Variants in SMIM41 observed in about 807,000 individuals in gnomAD.
SMIM41 encodes small integral membrane protein 41.
chr12:52,108,183 T>C lies in SMIM41; in HGVS notation c.*1000T>C. ...TGCAGTGATGTACACGGTGGTCACC[T>C]CCATGCTCAACCCCTTTATCTACAG... is the stretch of plus-strand genomic sequence containing the variant. On this transcript the variant is annotated 3_prime_UTR_variant, in exon 3 of 3. Transcript: ENST00000546390. 1 of 207,830 alleles carries C rather than the reference T, an allele frequency of 4.8e-6. No homozygotes were observed. Among genetic ancestry groups the C allele is most frequent in the Non-Finnish European group, 9.7e-6 (1 of 103,036 alleles). 12.9% of individuals were successfully genotyped at this position (207,830 alleles called of 1,614,324 possible).
chr12:52,105,844 G>A (rs1167330178), intron 2 of SMIM41, among the ~76,000 whole-genome samples: 3 of 152,140 alleles, frequency 2.0e-5, no homozygotes, highest in Admixed American at 6.6e-5. Context: ...TTAGAGTCTG[G>A]CCATTAATTT....
rs1940373354 is a variant in SMIM41 at position 52,107,880 on chromosome 12, T to C, written c.*697T>C. 4 of 309,346 alleles carry C rather than the reference T, an allele frequency of 1.3e-5. No individual in the cohort carries two copies. The highest frequency in any genetic ancestry group is 1.2e-4 in the South Asian group (4 of 34,150). 19.2% of individuals were successfully genotyped at this position (309,346 alleles called of 1,614,324 possible). A position where few individuals can be genotyped will look rare whatever the true frequency, so the allele number is the denominator to read the frequency against. On this transcript the variant is annotated 3_prime_UTR_variant, in exon 3 of 3. Transcript: ENST00000546390. ...ACATTCCTAATTTCTTCTGTGACCT[T>C]TCTCAACTCCCCCATCTTGCCGTTG...
At position 52,093,049 on chromosome 12, in the gene SMIM41, T is replaced by C. The variant is rs138153845; in HGVS notation, c.*195+9081T>C. On this transcript the variant is annotated intron_variant, in intron 2 of 2. Transcript: ENST00000546390. ...CAAAAAAAATAAAGAAAAAATTAGA[T>C]TGGTGTGGTGCGGTGGTGCACAGCT... 7.3e-3 allele frequency among the ~76,000 whole-genome samples: 1,109 copies of C among 152,124 alleles called. 12 individuals are homozygous for C. Among genetic ancestry groups the C allele is most frequent in the African/African-American group, 0.026 (1,067 of 41,488 alleles).
chr12:52,102,503 C>T (rs113142951), intron 2 of SMIM41, among the ~76,000 whole-genome samples: 10,240 of 152,228 alleles, frequency 0.067, 413 homozygotes, highest in Non-Finnish European at 0.077. Flanking sequence ...TGATATCCAT[C>T]ATATATAAAG....
rs1161960187 is a variant in SMIM41, at chr12:52,081,959, G to C, written c.*120+1778G>C. The C allele has an allele frequency of 6.6e-6, 1 of 152,216 alleles. No individual in the cohort carries two copies. Among genetic ancestry groups the C allele is most frequent in the African/African-American group, 2.4e-5 (1 of 41,424 alleles). The allele number at this position is 152,216 out of a possible 1,614,324, so 9.4% of individuals were successfully genotyped here. A position where few individuals can be genotyped will look rare whatever the true frequency, so the allele number is the denominator to read the frequency against. ...CTTTGAGATGCTGGTGCAAAACGCG[G>C]CCTCTCTTCATACATTTGCGAATCA... On this transcript the variant is annotated intron_variant, in intron 1 of 2. Transcript: ENST00000546390. This position sits in a 1 kb window ranked among gnomAD's most constrained non-coding sequence, Gnocchi z 4.1.
chr12:52,087,962 G>A (rs1476676589), intron 2 of SMIM41, among the ~76,000 whole-genome samples: 1 of 152,272 alleles, frequency 6.6e-6, no homozygotes, highest in Admixed American at 6.5e-5. Context: ...CCCTTCCCTG[G>A]ATGAAAATCG....
chr12:52,096,653 C>T (rs763743142), intron 2 of SMIM41, among the ~76,000 whole-genome samples: 2 of 151,196 alleles, frequency 1.3e-5, no homozygotes, highest in African/African-American at 4.9e-5. Flanking sequence ...TAATATCAGG[C>T]GTTATTAATA....
In SMIM41 at chr12:52,079,899, C is replaced by T. The variant is rs1358980167; in HGVS notation, c.120C>T (p.Leu40=). The change falls in exon 1 of 3, where the codon CTC becomes CTT. Residue 40 remains leucine, a synonymous_variant. Coordinates refer to ENST00000546390, the MANE Select transcript of SMIM41 (RefSeq NM_001369216.1). ...CGCGCGCGGTGCAGGCGGTGGTGCT[C>T]GGCGTGCTGTCCCTGCTGGTGCTTT... ...EGPRAVQAVV[L]GVLSLLVLCG... 1.5e-5 allele frequency: 6 copies of T among 389,286 alleles called. No individual in the cohort carries two copies. The highest frequency in any genetic ancestry group is 2.7e-5 in the Non-Finnish European group (6 of 220,018). 24.1% of individuals were successfully genotyped at this position (389,286 alleles called of 1,614,324 possible). A position where few individuals can be genotyped will look rare whatever the true frequency, so the allele number is the denominator to read the frequency against.
intron 2 of SMIM41, among the ~76,000 whole-genome samples, chr12:52,089,023 G>C (rs1243079266): frequency 6.6e-6 from 1 of 151,816 alleles, no homozygotes; most frequent in African/African-American, 2.4e-5. Context: ...GCCGCTGCTT[G>C]TAAAGCTTGT....
chr12:52,080,996 C>G (rs993334031), intron 1 of SMIM41, among the ~76,000 whole-genome samples: 1 of 151,996 alleles, frequency 6.6e-6, no homozygotes, highest in Admixed American at 6.5e-5. Context: ...AGCGCTGCTC[C>G]GGGAAGTGGG....
rs1321091025 is a variant in SMIM41 at position 52,105,548 on chromosome 12, C to T, written c.*196-1831C>T. 2.0e-5 allele frequency among the ~76,000 whole-genome samples: 3 copies of T among 152,074 alleles called. No individual in the cohort carries two copies. The South Asian group carries it at 6.2e-4, about 31-fold the overall frequency. On this transcript the variant is annotated intron_variant, in intron 2 of 2. Transcript: ENST00000546390. ...CAGGCGAATCACAAGTTCAGGTGTT[C>T]GAGACCAGCCTGGCCAACATGGTGA...
chr12:52,107,777 C>A lies in SMIM41; in HGVS notation c.*594C>A. On this transcript the variant is annotated 3_prime_UTR_variant, in exon 3 of 3. Transcript: ENST00000546390. ...TTCTGTGGCTTCCTAGTTTTGCTGT[C>A]TTTTTTTTTTCTCAGTCTTTTAGAC... is the stretch of plus-strand genomic sequence containing the variant. 2.0e-5 allele frequency: 7 copies of A among 346,310 alleles called. No homozygotes were observed. The highest frequency in any genetic ancestry group is 3.9e-5 in the Non-Finnish European group (7 of 178,172). 21.5% of individuals were successfully genotyped at this position (346,310 alleles called of 1,614,324 possible).
At chr12:52,105,293 G>A (rs1169917983) in intron 2 of SMIM41, among the ~76,000 whole-genome samples, 2 of 152,202 alleles carry the variant, frequency 1.3e-5, no homozygotes, top group Non-Finnish European at 2.9e-5. Context: ...GATCATTCGG[G>A]ATGCATCTCT....
At chr12:52,100,547 C>T (rs111332526) in intron 2 of SMIM41, among the ~76,000 whole-genome samples, 1 of 151,876 alleles carries the variant, frequency 6.6e-6, no homozygotes, top group Admixed American at 6.6e-5. Context: ...ACCTCTGCCT[C>T]CCGTATTCAA....
chr12:52,097,874 C>T (rs543086974), intron 2 of SMIM41, among the ~76,000 whole-genome samples: 2 of 151,968 alleles, frequency 1.3e-5, no homozygotes, highest in Admixed American at 6.6e-5. Context: ...TTTTCTTCCC[C>T]GCTGGATATT....
intron 2 of SMIM41, among the ~76,000 whole-genome samples, chr12:52,088,052 A>G (rs1021781120): frequency 3.9e-5 from 6 of 152,132 alleles, no homozygotes; most frequent in Admixed American, 3.9e-4. Context: ...CTGCCCACCC[A>G]TTCTACAGAG....
intron 2 of SMIM41, among the ~76,000 whole-genome samples, chr12:52,105,613 C>T (rs1940320607): frequency 6.6e-6 from 1 of 152,084 alleles, no homozygotes; most frequent in African/African-American, 2.4e-5. Flanking sequence ...ATTAGTCGGG[C>T]ATAGTGGCGG....
At chr12:52,085,782 AGCAGAGGGCTGTCTGT>A (rs1156818753) in intron 2 of SMIM41, among the ~76,000 whole-genome samples, 5 of 152,206 alleles carry the variant, frequency 3.3e-5, no homozygotes, top group Non-Finnish European at 7.3e-5. Context: ...CAGGGTCCAA[AGCAGAGGGCTGTCTGT>A]GCACCAAATC....
rs369281678 is a variant in SMIM41 at position 52,094,248 on chromosome 12, T to C, written c.*195+10280T>C. The stretch of plus-strand genomic sequence containing the variant: ...TCTTTCTCTGTCACCCAGGCTGGAG[T>C]GCAGTGGCAGCACAGTCTCAGTTCA... On this transcript the variant is annotated intron_variant, in intron 2 of 2. Coordinates refer to ENST00000546390, the MANE Select transcript of SMIM41 (RefSeq NM_001369216.1). Among the ~76,000 whole-genome samples the C allele has an allele frequency of 4.0e-5, 6 of 148,678 alleles. No individual in the cohort carries two copies. In the South Asian group the frequency reaches 6.4e-4, roughly 16 times the overall value.
Sources: gnomAD v4.1 joint callset for allele counts (sites outside exome capture counted in the v4.1 genomes callset) on GRCh38, gnomAD v4.1.1 for gene constraint, Gnocchi (gnomAD v3.1) non-coding constraint, MANE v1.5 for transcripts, NCBI Gene and HGNC (gene_info 2026-07-23, HGNC 2026-07-21) for gene names.